Variants in SSH2 observed in about 807,000 individuals in gnomAD.
SSH2 encodes slingshot protein phosphatase 2, also known as protein phosphatase Slingshot homolog 2.
In SSH2, 37 loss-of-function variants were observed where a neutral mutation model predicts 135.2. That is an observed-to-expected ratio of 0.27 (90% CI 0.21 to 0.36). SSH2 has a LOEUF of 0.36. Among genes scored for constraint, SSH2 ranks in the 10% least tolerant of loss-of-function variants. The pLI is 1.00. For missense variants in SSH2, 1,408 were observed against 1,765.3 expected (o/e 0.80, Z 3.63); for synonymous variants, 628 against 646.2 (o/e 0.97, Z 0.43).
rs1429486540 is a variant in SSH2 at position 29,929,942 on chromosome 17, G to T, written c.59C>A (p.Ala20Asp). Residue 20 changes from alanine to aspartate, a missense_variant, in exon 1 of 16, where the codon GCC (alanine) becomes GAC (aspartate). Around this residue, in one of 3 missense-constraint regions of SSH2, gnomAD observed 222 missense variants for 355.6 expected, o/e 0.62. Transcript: ENST00000540801. ...CGGCCGCCAGGAAGGACTCACCGAG[G>T]CGCAGGGGCTGGAGGTGGTGCTGGG... Reference protein sequence around the residue: ...PTPSTTSSPCASSSHLEDSES... With the variant: ...PTPSTTSSPCDSSSHLEDSES... The T allele has an allele frequency of 1.2e-6, 2 of 1,600,784 alleles. No homozygotes were observed. The highest frequency in any genetic ancestry group is 1.7e-6 in the Non-Finnish European group (2 of 1,174,282).
chr17:29,787,460 C>T (rs2041989687), intron 3 of SSH2: 1 of 151,898 alleles, frequency 6.6e-6, no homozygotes, highest in African/African-American at 2.4e-5. Flanking sequence ...TCTTAAGACC[C>T]TGCTTTCAAT....
At chr17:29,705,884 T>C (rs970229731) in intron 3 of SSH2, among the ~76,000 whole-genome samples, 1 of 152,220 alleles carries the variant, frequency 6.6e-6, no homozygotes, top group Non-Finnish European at 1.5e-5. Flanking sequence ...TTTTGTTTCC[T>C]TCAGAATATT....
intron 1 of SSH2, chr17:29,863,906 T>C (rs2065807784): frequency 6.6e-6 from 1 of 152,158 alleles, no homozygotes; most frequent in African/African-American, 2.4e-5. Flanking sequence ...CCCTTAAACT[T>C]TGAAAAGATT....
chr17:29,845,471 C>G (rs1046560864), intron 2 of SSH2, among the ~76,000 whole-genome samples: 1 of 152,144 alleles, frequency 6.6e-6, no homozygotes, highest in Non-Finnish European at 1.5e-5. Context: ...AAAAGCCAGC[C>G]AAGTACATGA....
chr17:29,789,293 G>A (rs747714201), intron 3 of SSH2, among the ~76,000 whole-genome samples: 7 of 152,240 alleles, frequency 4.6e-5, no homozygotes, highest in Admixed American at 6.5e-5. Flanking sequence ...AAATGAGAAA[G>A]CATGTTTGGA....
Position 29,878,536 on chromosome 17 carries a change from T to G in SSH2, c.64-29607A>C, listed in dbSNP as rs116925311. On this transcript the variant is annotated intron_variant, in intron 1 of 15. Coordinates refer to ENST00000540801, the MANE Select transcript of SSH2 (RefSeq NM_001282129.2). ...ACACATAGTTGATGCTCAAAATATA[T>G]GTTTAGAATAAATAAATCAATGGAT... 6.8e-3 allele frequency among the ~76,000 whole-genome samples: 1,042 copies of G among 152,242 alleles called. 10 individuals are homozygous for G. The highest frequency in any genetic ancestry group is 0.01 in the Non-Finnish European group (692 of 68,008).
chr17:29,829,832 T>A (rs1240529409), intron 2 of SSH2, among the ~76,000 whole-genome samples: 1 of 149,450 alleles, frequency 6.7e-6, no homozygotes, highest in Non-Finnish European at 1.5e-5. Flanking sequence ...GAAATAAAGA[T>A]CAAGATTTTT....
At chr17:29,894,592 T>C (rs1024694108) in intron 1 of SSH2, among the ~76,000 whole-genome samples, 7 of 152,116 alleles carry the variant, frequency 4.6e-5, no homozygotes, top group African/African-American at 1.2e-4. Context: ...TTGTTATTTT[T>C]ATTGGGGTTT....
chr17:29,832,820 C>T (rs1302216624), intron 2 of SSH2, among the ~76,000 whole-genome samples: 2 of 152,178 alleles, frequency 1.3e-5, no homozygotes, highest in African/African-American at 4.8e-5. Context: ...GTGTGCACCA[C>T]CACACCCAGA....
chr17:29,790,753 G>T (rs2042050594), intron 3 of SSH2, among the ~76,000 whole-genome samples: 1 of 148,308 alleles, frequency 6.7e-6, no homozygotes, highest in Non-Finnish European at 1.5e-5. Flanking sequence ...TTTTGAGACA[G>T]AGTCTTGCTC....
chr17:29,895,257 T>C lies in SSH2; in HGVS notation c.63+34681A>G, dbSNP rs961758055. On this transcript the variant is annotated intron_variant, in intron 1 of 15. Transcript: ENST00000540801. ...TTATATATACATTATATATACATTTTATATATGAAATATATAAAATATATT... is the reference window on the plus strand; with the variant it reads ...TTATATATACATTATATATACATTTCATATATGAAATATATAAAATATATT... 1.6e-4 allele frequency among the ~76,000 whole-genome samples: 22 copies of C among 135,814 alleles called. No individual in the cohort carries two copies. In the South Asian group the frequency reaches 4.8e-3, roughly 29 times the overall value. The allele number at this position is 135,814 out of a possible 152,430, so 89.1% of individuals were successfully genotyped here.
chr17:29,821,070 A>G (rs2042642614), intron 2 of SSH2, among the ~76,000 whole-genome samples: 1 of 152,100 alleles, frequency 6.6e-6, no homozygotes, highest in South Asian at 2.1e-4. Flanking sequence ...TCAAAAACAT[A>G]TTTTGTTTTG....
chr17:29,753,278 C>T (rs2151235434), intron 3 of SSH2, among the ~76,000 whole-genome samples: 1 of 151,786 alleles, frequency 6.6e-6, no homozygotes, highest in African/African-American at 2.4e-5. Context: ...TTACAGGCAC[C>T]CACCATCATG....
At chr17:29,750,438 CAA>C (rs58020189) in intron 3 of SSH2, among the ~76,000 whole-genome samples, 1 of 122,976 alleles carries the variant, frequency 8.1e-6, no homozygotes, top group Admixed American at 8.3e-5. Context: ...GACTCTGTCT[CAA>C]AAAAAAAAAA....
chr17:29,854,840 G>A (rs1252722226), intron 1 of SSH2, among the ~76,000 whole-genome samples: 4 of 152,006 alleles, frequency 2.6e-5, no homozygotes, highest in African/African-American at 9.7e-5. Context: ...CCAGCTACTC[G>A]GGAGGCTGAG....
At position 29,827,147 on chromosome 17, in the gene SSH2, A is replaced by G. The variant is rs549048007; in HGVS notation, c.144+21702T>C. Among the ~76,000 whole-genome samples the G allele has an allele frequency of 1.7e-3, 266 of 152,346 alleles. 1 individual carries two copies. Among genetic ancestry groups the G allele is most frequent in the Non-Finnish European group, 2.7e-3 (184 of 68,028 alleles). ...GGAACACATATGGGTAAATGCTGGG[A>G]CAAAACTTCTTTAACTTATTTTGCA... On this transcript the variant is annotated intron_variant, in intron 2 of 15. Coordinates refer to ENST00000540801, the MANE Select transcript of SSH2 (RefSeq NM_001282129.2).
intron 14 of SSH2, chr17:29,639,879 A>T (rs994660227): frequency 6.6e-6 from 1 of 152,140 alleles, no homozygotes; most frequent in Admixed American, 6.5e-5. Context: ...ATATGAGTGT[A>T]TTCCCCAATT....
chr17:29,644,760 T>C (rs2036305561), intron 14 of SSH2: 1 of 152,226 alleles, frequency 6.6e-6, no homozygotes, highest in South Asian at 2.1e-4. Flanking sequence ...ATCACGCCAC[T>C]GTACTCCAGC....
chr17:29,904,012 C>T (rs189005297), intron 1 of SSH2, among the ~76,000 whole-genome samples: 1 of 152,000 alleles, frequency 6.6e-6, no homozygotes. Context: ...TAATAAATAG[C>T]CTACCAACCA....
Sources: allele counts gnomAD v4.1 joint callset (sites outside exome capture counted in the v4.1 genomes callset), GRCh38; gene constraint gnomAD v4.1.1; regional missense constraint gnomAD v4.1.1; transcripts MANE v1.5; gene names NCBI Gene and HGNC (gene_info 2026-07-23, HGNC 2026-07-21).